The following CHURC1 variants were observed in gnomAD, a reference collection of about 807,000 sequenced individuals.
The protein encoded by CHURC1 is protein Churchill.
In CHURC1, 12 loss-of-function variants were observed where a neutral mutation model predicts 15.4. The ratio of observed to expected loss-of-function variants is 0.78; its 90% CI spans 0.50 to 1.27. The LOEUF is 1.27. Ranked by LOEUF, CHURC1 falls within the 50% of genes most tolerant of loss-of-function variation. The pLI, the probability that CHURC1 is intolerant of heterozygous loss-of-function variation, is 0.00. For missense variants in CHURC1, 132 were observed against 137.8 expected (o/e 0.96, Z 0.21); for synonymous variants, 42 against 47.5 (o/e 0.88, Z 0.48).
At chr14:64,918,901 T>A (rs746577043) in intron 1 of CHURC1, among the ~76,000 whole-genome samples, 1 of 152,222 alleles carries the variant, frequency 6.6e-6, no homozygotes, top group Non-Finnish European at 1.5e-5. Flanking sequence ...TAAGTAATAG[T>A]TAATTATTTA....
intron 1 of CHURC1, among the ~76,000 whole-genome samples, chr14:64,922,344 C>T (rs140051533): frequency 0.011 from 1,685 of 151,700 alleles, 38 homozygotes; most frequent in African/African-American, 0.039. Flanking sequence ...TTTGGGAGGC[C>T]GAGACGGGCA....
chr14:64,924,401 G>T, intron 2 of CHURC1: 1 of 225,820 alleles, frequency 4.4e-6, no homozygotes. Context: ...ATTTTTAAAA[G>T]CTTTATGCTG....
chr14:64,917,702 G>A (rs992407178), intron 1 of CHURC1, among the ~76,000 whole-genome samples: 1 of 152,198 alleles, frequency 6.6e-6, no homozygotes, highest in Non-Finnish European at 1.5e-5. Flanking sequence ...TCCAGCCTGG[G>A]CAACAGAGCG....
At chr14:64,920,088 A>G (rs1276319036) in intron 1 of CHURC1, among the ~76,000 whole-genome samples, 1 of 152,160 alleles carries the variant, frequency 6.6e-6, no homozygotes, top group Non-Finnish European at 1.5e-5. Context: ...TACATTAGCT[A>G]TTAACTTGTA....
intron 1 of CHURC1, among the ~76,000 whole-genome samples, chr14:64,921,566 A>G (rs117766627): frequency 2.6e-5 from 4 of 152,366 alleles, no homozygotes; most frequent in Non-Finnish European, 5.9e-5. Flanking sequence ...AAAGATGCTC[A>G]ACATCATTAG....
intron 3 of CHURC1, among the ~76,000 whole-genome samples, chr14:64,931,297 G>A (rs887431642): frequency 1.4e-4 from 22 of 152,186 alleles, no homozygotes; most frequent in African/African-American, 5.1e-4. Context: ...ACTTTGGGAG[G>A]CCAAGGTGGG....
chr14:64,922,577 CAAAAAAAAAAA>C (rs572205182), intron 1 of CHURC1, among the ~76,000 whole-genome samples: 1 of 84,018 alleles, frequency 1.2e-5, no homozygotes, highest in East Asian at 3.3e-4. Context: ...GACTCCGTCT[CAAAAAAAAAAA>C]AAAAAAAAAA....
At chr14:64,927,862 A>C (rs1328142020) in intron 3 of CHURC1, among the ~76,000 whole-genome samples, 1 of 151,950 alleles carries the variant, frequency 6.6e-6, no homozygotes, top group East Asian at 1.9e-4. Context: ...CTTGAGTCCA[A>C]GTGTTTGAGT....
Position 64,932,398 on chromosome 14 carries a change from T to C in CHURC1, c.*168T>C. ...GGTAATGTAGGAGCTCATTGTTCTC[T>C]AGAGCTGAGCTCTTCTGCTAAAGTT... On this transcript the variant is annotated 3_prime_UTR_variant, in exon 4 of 4. Coordinates refer to ENST00000549115, the MANE Select transcript of CHURC1 (RefSeq NM_001386928.1). 2 of 1,375,146 alleles carry C rather than the reference T, an allele frequency of 1.5e-6. No homozygotes were observed. The highest frequency in any genetic ancestry group is 1.5e-5 in the African/African-American group (1 of 68,724). The allele number at this position is 1,375,146 out of a possible 1,614,324, so 85.2% of individuals were successfully genotyped here.
At chr14:64,917,048 G>C (rs747750248) in intron 1 of CHURC1, among the ~76,000 whole-genome samples, 1 of 152,212 alleles carries the variant, frequency 6.6e-6, no homozygotes. Flanking sequence ...AAATGGTGGG[G>C]TAGAGGGTGT....
rs145132838 is a variant in CHURC1, at chr14:64,922,900, G to A, written c.40-1091G>A. On this transcript the variant is annotated intron_variant, in intron 1 of 3. Coordinates refer to ENST00000549115, the MANE Select transcript of CHURC1 (RefSeq NM_001386928.1). ...CTTCCTAGTGGCATTATTTATGGTG[G>A]ATCTTAATTTCGCTGATGCTTCTTA... 4.8e-3 allele frequency among the ~76,000 whole-genome samples: 725 copies of A among 152,210 alleles called. 7 individuals carry two copies. The highest frequency in any genetic ancestry group is 0.017 in the African/African-American group (687 of 41,532).
chr14:64,918,716 C>T (rs1358688002), intron 1 of CHURC1, among the ~76,000 whole-genome samples: 1 of 152,214 alleles, frequency 6.6e-6, no homozygotes, highest in Non-Finnish European at 1.5e-5. Context: ...TATAGTTCCA[C>T]CTACTTGGGA....
chr14:64,920,377 C>T (rs1884192141), intron 1 of CHURC1, among the ~76,000 whole-genome samples: 1 of 152,078 alleles, frequency 6.6e-6, no homozygotes, highest in Non-Finnish European at 1.5e-5. Context: ...TCTTTTCCAC[C>T]TATTATGGGA....
At chr14:64,916,127 G>A (rs1484938197) in intron 1 of CHURC1, among the ~76,000 whole-genome samples, 3 of 152,156 alleles carry the variant, frequency 2.0e-5, no homozygotes, top group Admixed American at 6.5e-5. Flanking sequence ...AACCAAACTA[G>A]AATTACACAG....
chr14:64,933,231 G>A lies in CHURC1; in HGVS notation c.*1001G>A, dbSNP rs76625773. The A allele has an allele frequency of 2.4e-4, 71 of 297,234 alleles. 1 individual carries two copies. In the East Asian group the frequency reaches 0.01, roughly 43 times the overall value. The allele number at this position is 297,234 out of a possible 1,614,324, so 18.4% of individuals were successfully genotyped here. On this transcript the variant is annotated 3_prime_UTR_variant, in exon 4 of 4. Coordinates refer to ENST00000549115, the MANE Select transcript of CHURC1 (RefSeq NM_001386928.1). Reference sequence around the variant, plus strand: ...ATCTGAGACATGGTCACAGCCAAGAGGAGCCTGAGAAGACATGACTGCTAG... The same window carrying A: ...ATCTGAGACATGGTCACAGCCAAGAAGAGCCTGAGAAGACATGACTGCTAG...
At chr14:64,929,768 G>A (rs940822216) in intron 3 of CHURC1, among the ~76,000 whole-genome samples, 1 of 152,198 alleles carries the variant, frequency 6.6e-6, no homozygotes, top group Admixed American at 6.5e-5. Context: ...CTCTCTGAAA[G>A]ATAAGTATTC....
chr14:64,924,794 C>T (rs1884566277), intron 2 of CHURC1, among the ~76,000 whole-genome samples: 1 of 152,210 alleles, frequency 6.6e-6, no homozygotes, highest in Non-Finnish European at 1.5e-5. Flanking sequence ...ATGTATACTT[C>T]AGTGCCCAAT....
rs1885196385 is a variant in CHURC1, at chr14:64,933,646, A to G, written c.*1416A>G. ...GAAAGCATGTAAAGTACTAGAAACAATGAGGTGGCTTCAATTAGTGCTCAT... is the reference window on the plus strand; with the variant it reads ...GAAAGCATGTAAAGTACTAGAAACAGTGAGGTGGCTTCAATTAGTGCTCAT... On this transcript the variant is annotated 3_prime_UTR_variant, in exon 4 of 4. Transcript: ENST00000549115. 1 of 985,466 alleles carries G rather than the reference A, an allele frequency of 1.0e-6. No individual in the cohort carries two copies. The highest frequency in any genetic ancestry group is 5.2e-4 in the Middle Eastern group (1 of 1,914). 61.0% of individuals were successfully genotyped at this position (985,466 alleles called of 1,614,324 possible).
Position 64,933,497 on chromosome 14 carries a change from C to T in CHURC1, c.*1267C>T. 2.0e-6 allele frequency: 2 copies of T among 984,218 alleles called. No homozygotes were observed. The highest frequency in any genetic ancestry group is 2.4e-6 in the Non-Finnish European group (2 of 828,842). The allele number at this position is 984,218 out of a possible 1,614,324, so 61.0% of individuals were successfully genotyped here. ...ATTTAGTAGCAGTATAGTCATTAAG[C>T]AAAGCATTACTCTGGACTTTATTGT... is the stretch of plus-strand genomic sequence containing the variant. On this transcript the variant is annotated 3_prime_UTR_variant, in exon 4 of 4. Coordinates refer to ENST00000549115, the MANE Select transcript of CHURC1 (RefSeq NM_001386928.1).
Sources: gnomAD v4.1 joint callset for allele counts (sites outside exome capture counted in the v4.1 genomes callset) on GRCh38, gnomAD v4.1.1 for gene constraint, MANE v1.5 for transcripts, NCBI Gene and HGNC (gene_info 2026-07-23, HGNC 2026-07-21) for gene names.